Variants in BBS4 observed in about 807,000 individuals in gnomAD.
BBS4 encodes Bardet-Biedl syndrome 4.
Under a neutral mutation model 71.4 loss-of-function variants are expected in BBS4, and 58 were observed. The observed-to-expected ratio is 0.81, with a 90% CI of 0.66 to 1.01. BBS4 has a LOEUF of 1.01. Ranked by LOEUF, BBS4 falls within the 50% of genes least tolerant of loss-of-function variation. BBS4 has a pLI of 0.00. For missense variants in BBS4, 660 were observed against 607.9 expected (o/e 1.09, Z -0.90); for synonymous variants, 228 against 216.8 (o/e 1.05, Z -0.46).
chr15:72,703,320 T>C (rs1316820252), intron 2 of BBS4, among the ~76,000 whole-genome samples: 6 of 152,220 alleles, frequency 3.9e-5, no homozygotes, highest in African/African-American at 1.4e-4. Flanking sequence ...CTGTTGGGCC[T>C]CTCATTTCTT....
intron 5 of BBS4, among the ~76,000 whole-genome samples, chr15:72,715,850 A>G (rs1237293268): frequency 6.6e-6 from 1 of 152,250 alleles, no homozygotes; most frequent in African/African-American, 2.4e-5. Context: ...ATTGTTATGT[A>G]TTCAGTAGAA....
chr15:72,728,423 G>A (rs956973395), intron 9 of BBS4, among the ~76,000 whole-genome samples: 4 of 152,014 alleles, frequency 2.6e-5, no homozygotes, highest in Non-Finnish European at 4.4e-5. Flanking sequence ...GCTTGAACTC[G>A]GAAGGCAGAG....
chr15:72,702,802 CTTTTTTTTTTTTTTTTTTT>C (rs59816410), intron 2 of BBS4, among the ~76,000 whole-genome samples: 1 of 73,486 alleles, frequency 1.4e-5, no homozygotes, highest in Non-Finnish European at 2.5e-5. Context: ...GGAGCTGACT[CTTTTTTTTTTTTTTTTTTT>C]TTTTGAGACG....
At chr15:72,725,049 T>G (rs2065643502) in intron 8 of BBS4, among the ~76,000 whole-genome samples, 1 of 101,422 alleles carries the variant, frequency 9.9e-6, no homozygotes, top group African/African-American at 3.3e-5. Flanking sequence ...TATATATATA[T>G]ATATATATAG....
chr15:72,721,763 C>G (rs1026392139), intron 6 of BBS4, among the ~76,000 whole-genome samples: 1 of 152,184 alleles, frequency 6.6e-6, no homozygotes, highest in Non-Finnish European at 1.5e-5. Context: ...GGACACATCT[C>G]CACTACTAAT....
chr15:72,704,496 G>T (rs779804062), intron 2 of BBS4: 1 of 1,243,990 alleles, frequency 8.0e-7, no homozygotes, highest in East Asian at 5.6e-5. Flanking sequence ...AATTCTAATT[G>T]TAAATTCAGG....
At chr15:72,700,366 G>A (rs771446592) in intron 2 of BBS4, among the ~76,000 whole-genome samples, 5 of 152,204 alleles carry the variant, frequency 3.3e-5, no homozygotes, top group East Asian at 3.8e-4. Flanking sequence ...ATAAACTGCC[G>A]AAGTATTTTC....
In BBS4 at chr15:72,688,411, C is replaced by CTT. The variant is rs58644289; in HGVS notation, c.24+2179_24+2180dup. Among the ~76,000 whole-genome samples, 287 of 83,028 alleles carry CTT rather than the reference C, an allele frequency of 3.5e-3. 27 individuals carry two copies. The highest frequency in any genetic ancestry group is 0.012 in the African/African-American group (264 of 22,576). The allele number at this position is 83,028 out of a possible 152,430, so 54.5% of individuals were successfully genotyped here. The stretch of plus-strand genomic sequence containing the variant: ...GTCCTTTTAGGAAGTGGTATTTTAT[C>CTT]TTTTTTTTTTTTTTTTTTTTGAGAC... On this transcript the variant is annotated intron_variant, in intron 1 of 15. Coordinates refer to ENST00000268057, the MANE Select transcript of BBS4 (RefSeq NM_033028.5).
intron 8 of BBS4, among the ~76,000 whole-genome samples, chr15:72,726,150 C>T (rs1269181256): frequency 6.6e-6 from 1 of 150,888 alleles, no homozygotes; most frequent in Non-Finnish European, 1.5e-5. Context: ...CTCGCTCTGT[C>T]GCCCAGGGGT....
intron 2 of BBS4, among the ~76,000 whole-genome samples, chr15:72,703,961 T>G (rs1334698805): frequency 6.6e-6 from 1 of 152,190 alleles, no homozygotes; most frequent in African/African-American, 2.4e-5. Context: ...TAGGGCAAAC[T>G]ACAGGGGAGA....
chr15:72,702,288 C>A (rs1333360041), intron 2 of BBS4, among the ~76,000 whole-genome samples: 2 of 152,134 alleles, frequency 1.3e-5, no homozygotes, highest in East Asian at 3.8e-4. Context: ...TATAGTCCTG[C>A]CTCTTCCATT....
intron 15 of BBS4, among the ~76,000 whole-genome samples, 200 bp from the exon 16 acceptor site, chr15:72,737,278 G>A (rs1252938959): frequency 6.6e-6 from 1 of 152,160 alleles, no homozygotes; most frequent in Non-Finnish European, 1.5e-5. Context: ...AAGTTGACAC[G>A]TAAATATTTT....
At chr15:72,692,164 T>C (rs1420654321) in intron 1 of BBS4, among the ~76,000 whole-genome samples, 68 of 152,090 alleles carry the variant, frequency 4.5e-4, no homozygotes, top group Non-Finnish European at 2.9e-5. Context: ...TTCTCTAAGG[T>C]ATACCTAGAA....
intron 7 of BBS4, among the ~76,000 whole-genome samples, chr15:72,723,568 TG>T (rs2065613649): frequency 6.6e-6 from 1 of 152,222 alleles, no homozygotes; most frequent in Non-Finnish European, 1.5e-5. Flanking sequence ...GAATCTGAAT[TG>T]GTTAGTACCC....
Position 72,737,843 on chromosome 15 carries a change from C to CT in BBS4, c.*258dup. 1 of 505,728 alleles carries CT rather than the reference C, an allele frequency of 2.0e-6. No homozygotes were observed. The highest frequency in any genetic ancestry group is 3.8e-6 in the Non-Finnish European group (1 of 260,500). The allele number at this position is 505,728 out of a possible 1,614,324, so 31.3% of individuals were successfully genotyped here. Reference sequence around the variant, plus strand: ...GTTCCTTTAAGAACTGGCAGCAAGGCTTGAGGCCTTATGTATGTAGCTGAG... The same window carrying CT: ...GTTCCTTTAAGAACTGGCAGCAAGGCTTTGAGGCCTTATGTATGTAGCTGAG... On this transcript the variant is annotated 3_prime_UTR_variant, in exon 16 of 16. Transcript: ENST00000268057.
At chr15:72,728,315 TAGTG>T (rs2151041778) in intron 9 of BBS4, among the ~76,000 whole-genome samples, 1 of 152,102 alleles carries the variant, frequency 6.6e-6, no homozygotes, top group Non-Finnish European at 1.5e-5. Context: ...CTGGGTAACA[TAGTG>T]AGACCCTGTC....
Position 72,716,766 on chromosome 15 carries a change from T to C in BBS4, c.333-12T>C, listed in dbSNP as rs377085371. 3 of 1,582,288 alleles carry C rather than the reference T, an allele frequency of 1.9e-6. No homozygotes were observed. Among genetic ancestry groups the C allele is most frequent in the African/African-American group, 1.3e-5 (1 of 74,290 alleles). ...TTTGAGGTAATAATTATGGAAAATA[T>C]ATCTTTTACAGATTTCTTTTGGGAA... On this transcript the variant is annotated splice_polypyrimidine_tract_variant and intron_variant, in intron 5 of 15. Coordinates refer to ENST00000268057, the MANE Select transcript of BBS4 (RefSeq NM_033028.5).
At chr15:72,707,548 G>A (rs957314727) in intron 2 of BBS4, among the ~76,000 whole-genome samples, 1 of 152,070 alleles carries the variant, frequency 6.6e-6, no homozygotes, top group African/African-American at 2.4e-5. Context: ...AAACACACAT[G>A]TACTCACTGG....
Position 72,715,267 on chromosome 15 carries a change from T to G in BBS4, c.221-24T>G, listed in dbSNP as rs780090579. On this transcript the variant is annotated intron_variant, in intron 4 of 15. Transcript: ENST00000268057. ...TTCCCAGAACATGGTTTTACTTTTT[T>G]TTGTATTTTCTGTTTCTTGGCAGCA... 1.9e-6 allele frequency: 3 copies of G among 1,571,130 alleles called. No homozygotes were observed. In the Admixed American group the frequency reaches 5.0e-5, roughly 26 times the overall value.
Sources: allele counts gnomAD v4.1 joint callset (sites outside exome capture counted in the v4.1 genomes callset), GRCh38; gene constraint gnomAD v4.1.1; transcripts MANE v1.5; gene names NCBI Gene and HGNC (gene_info 2026-07-23, HGNC 2026-07-21).